The following EYS variants were observed in gnomAD, a reference collection of about 807,000 sequenced individuals.
The protein encoded by EYS is protein eyes shut homolog.
In EYS, 250 loss-of-function variants were observed where a neutral mutation model predicts 282.1. The observed-to-expected ratio is 0.89, with a 90% CI of 0.80 to 0.98. The LOEUF (loss-of-function observed/expected upper bound fraction) is 0.98. Ranked by LOEUF, EYS falls within the 50% of genes least tolerant of loss-of-function variation. The pLI, the probability that EYS is intolerant of heterozygous loss-of-function variation, is 0.00. For synonymous variants in EYS, 1,355 were observed against 1,282.9 expected, an observed-to-expected ratio of 1.06 and a Z score of -1.20; for missense variants, 4,016 against 3,709.0, an observed-to-expected ratio of 1.08 and a Z score of -2.15.
At chr6:63,741,043 C>T (rs1321162823) in intron 41 of EYS, among the ~76,000 whole-genome samples, 5 of 152,146 alleles carry the variant, frequency 3.3e-5, no homozygotes, top group Non-Finnish European at 7.3e-5. Context: ...AAGAATAAAA[C>T]GCCACAACTG....
intron 35 of EYS, among the ~76,000 whole-genome samples, chr6:63,960,202 G>T (rs1316719499): frequency 1.3e-5 from 2 of 152,142 alleles, no homozygotes; most frequent in East Asian, 3.9e-4. Context: ...GAGGAGTTTG[G>T]AAGAAGTTGA....
intron 29 of EYS, among the ~76,000 whole-genome samples, chr6:64,314,864 C>A (rs926774194): frequency 1.3e-5 from 2 of 151,934 alleles, no homozygotes; most frequent in South Asian, 2.1e-4. Context: ...ATTAAAAGAA[C>A]TAGAGAAGCA....
rs536841913 is a variant in EYS at position 63,877,036 on chromosome 6, G to A, written c.7056-12678C>T. ...ATGATGTTAGCTGGTTATTTTGCTCGTTAGTTGATGCAGTTTCTTCCTAGC... is the reference window on the plus strand; with the variant it reads ...ATGATGTTAGCTGGTTATTTTGCTCATTAGTTGATGCAGTTTCTTCCTAGC... On this transcript the variant is annotated intron_variant, in intron 35 of 42. Transcript: ENST00000503581. Among the ~76,000 whole-genome samples, 13 of 152,184 alleles carry A rather than the reference G, an allele frequency of 8.5e-5. No homozygotes were observed. The East Asian group carries it at 1.2e-3, about 14-fold the overall frequency.
At chr6:64,413,078 G>A (rs1267793457) in intron 28 of EYS, among the ~76,000 whole-genome samples, 1 of 152,140 alleles carries the variant, frequency 6.6e-6, no homozygotes, top group East Asian at 1.9e-4. Context: ...ATGGATACTA[G>A]TTGAAGCTTA....
At chr6:64,876,525 C>T (rs1205973166) in intron 19 of EYS, among the ~76,000 whole-genome samples, 5 of 151,694 alleles carry the variant, frequency 3.3e-5, no homozygotes, top group Admixed American at 1.3e-4. Context: ...GTAGGTACTG[C>T]AATAAAATAA....
intron 12 of EYS, among the ~76,000 whole-genome samples, chr6:65,093,897 C>T (rs927941199): frequency 1.1e-4 from 17 of 151,760 alleles, no homozygotes; most frequent in African/African-American, 3.4e-4. Context: ...CCCACCTTAG[C>T]TTTAAGGACT....
At chr6:64,289,226 T>C (rs1251951376) in intron 30 of EYS, among the ~76,000 whole-genome samples, 1 of 152,108 alleles carries the variant, frequency 6.6e-6, no homozygotes, top group Non-Finnish European at 1.5e-5. Flanking sequence ...TCTAGAGTGC[T>C]TTCCTCTTTC....
chr6:63,884,585 G>A (rs1773218029), intron 35 of EYS, among the ~76,000 whole-genome samples: 1 of 152,132 alleles, frequency 6.6e-6, no homozygotes, highest in South Asian at 2.1e-4. Flanking sequence ...TCTTGACCAA[G>A]TTCGTGCATG....
intron 22 of EYS, among the ~76,000 whole-genome samples, chr6:64,627,222 G>A (rs923505521): frequency 2.6e-5 from 4 of 152,284 alleles, no homozygotes; most frequent in Admixed American, 1.3e-4. Flanking sequence ...GAAGCACTGA[G>A]CCCAGTTGGG....
At chr6:63,725,349 AT>A (rs200652120) in intron 42 of EYS, among the ~76,000 whole-genome samples, 3,307 of 152,208 alleles carry the variant, frequency 0.022, 116 homozygotes, top group African/African-American at 0.073. Flanking sequence ...CGTTGTACTG[AT>A]TATAAAACTG....
chr6:65,012,755 A>G (rs926742094), intron 13 of EYS, among the ~76,000 whole-genome samples: 1 of 151,328 alleles, frequency 6.6e-6, no homozygotes, highest in Non-Finnish European at 1.5e-5. Flanking sequence ...ATAAAATAAG[A>G]GCAATAAAAC....
At chr6:64,688,755 C>A (rs997182080) in intron 22 of EYS, among the ~76,000 whole-genome samples, 1 of 152,090 alleles carries the variant, frequency 6.6e-6, no homozygotes, top group Non-Finnish European at 1.5e-5. Context: ...TGGTGCAGAG[C>A]TGAGTTCAAT....
intron 35 of EYS, among the ~76,000 whole-genome samples, chr6:63,875,092 G>T (rs906759057): frequency 6.6e-6 from 1 of 152,146 alleles, no homozygotes; most frequent in African/African-American, 2.4e-5. Context: ...CATTCAGTAT[G>T]ATATTGGCTG....
chr6:65,596,683 A>G (rs1320616712), intron 2 of EYS, among the ~76,000 whole-genome samples: 1 of 152,048 alleles, frequency 6.6e-6, no homozygotes, highest in Non-Finnish European at 1.5e-5. Flanking sequence ...TCTCCTTATT[A>G]ATGCCAAATA....
intron 2 of EYS, among the ~76,000 whole-genome samples, chr6:65,536,511 G>C (rs1767969005): frequency 6.6e-6 from 1 of 152,112 alleles, no homozygotes; most frequent in Admixed American, 6.6e-5. Context: ...TGTTTCTTTA[G>C]AGTAGTTCAA....
chr6:63,944,934 C>CA (rs946611822), intron 35 of EYS, among the ~76,000 whole-genome samples: 9 of 149,674 alleles, frequency 6.0e-5, no homozygotes, highest in South Asian at 2.1e-4. Context: ...GACTCTATCT[C>CA]AAAAAAAATA....
intron 11 of EYS, among the ~76,000 whole-genome samples, chr6:65,318,257 C>A (rs908932487): frequency 4.0e-5 from 6 of 151,804 alleles, no homozygotes; most frequent in African/African-American, 1.5e-4. Flanking sequence ...CCCCTTCTCA[C>A]TCCTCTTTTC....
intron 28 of EYS, among the ~76,000 whole-genome samples, chr6:64,398,032 A>G (rs1412824383): frequency 6.6e-6 from 1 of 151,806 alleles, no homozygotes; most frequent in African/African-American, 2.4e-5. Flanking sequence ...GTCATTTTTT[A>G]ATATTCTAAT....
rs12663916 is a variant in EYS, at chr6:64,591,961, G to T, written c.3906C>A (p.His1302Gln). The change falls in exon 26 of 43, where the codon CAC (histidine) becomes CAA (glutamine). Residue 1302 changes from histidine (H) to glutamine (Q), a missense_variant. Coordinates refer to ENST00000503581, the MANE Select transcript of EYS (RefSeq NM_001142800.2). ...QGPKQTGIVKHDILPTTGLAT... is the reference protein window; with the variant it reads ...QGPKQTGIVKQDILPTTGLAT... ...CCAAACCAGTGGTTGGGAGAATGTC[G>T]TGCTTGACAATGCCTGTCTGTTTTG... 42 of 1,507,078 alleles carry T rather than the reference G, an allele frequency of 2.8e-5. No individual in the cohort carries two copies. The highest frequency in any genetic ancestry group is 3.3e-5 in the Non-Finnish European group (37 of 1,123,820). 93.4% of individuals were successfully genotyped at this position (1,507,078 alleles called of 1,614,324 possible).
Sources: allele counts gnomAD v4.1 joint callset (sites outside exome capture counted in the v4.1 genomes callset), GRCh38; gene constraint gnomAD v4.1.1; transcripts MANE v1.5; gene names NCBI Gene and HGNC (gene_info 2026-07-23, HGNC 2026-07-21).